PDS5B: variants seen among roughly 807,000 people sequenced by gnomAD.
PDS5B encodes the protein PDS5 cohesin associated factor B, also known as sister chromatid cohesion protein PDS5 homolog B.
PDS5B carries 51 observed loss-of-function variants against 184.1 expected under a neutral mutation model. The ratio of observed to expected loss-of-function variants is 0.28; its 90% CI spans 0.22 to 0.35. PDS5B has a LOEUF of 0.35. Ranked by LOEUF, PDS5B falls within the 10% of genes least tolerant of loss-of-function variation. The pLI, the probability that PDS5B is intolerant of heterozygous loss-of-function variation, is 1.00. For missense variants in PDS5B, 1,180 were observed against 1,723.3 expected, an observed-to-expected ratio of 0.68 and a Z score of 5.58; for synonymous variants, 566 against 569.2, an observed-to-expected ratio of 0.99 and a Z score of 0.08.
chr13:32,735,483 T>C (rs1953299909), intron 21 of PDS5B, among the ~76,000 whole-genome samples, 153 bp downstream of exon 21: 1 of 152,208 alleles, frequency 6.6e-6, no homozygotes, highest in Non-Finnish European at 1.5e-5. Flanking sequence ...CTTGTCTCCA[T>C]TATAAGCAAA....
At chr13:32,716,813 C>T (rs376823793) in intron 19 of PDS5B, among the ~76,000 whole-genome samples, 21,058 of 95,014 alleles carry the variant, frequency 0.22, 3,567 homozygotes, top group Non-Finnish European at 0.3. Flanking sequence ...GCCCCCTGCC[C>T]GGCCAGCCGC....
chr13:32,777,755 T>C lies in PDS5B; in HGVS notation c.*2703T>C, dbSNP rs1954996708. The C allele has an allele frequency of 6.6e-6, 1 of 152,390 alleles. No homozygotes were observed. Among genetic ancestry groups the C allele is most frequent in the African/African-American group, 2.4e-5 (1 of 41,440 alleles). 9.4% of individuals were successfully genotyped at this position (152,390 alleles called of 1,614,324 possible). A position where few individuals can be genotyped will look rare whatever the true frequency, so the allele number is the denominator to read the frequency against. On this transcript the variant is annotated 3_prime_UTR_variant, in exon 35 of 35. Transcript: ENST00000315596. ...CAGTGATCTTCACTGTATATGTAAA[T>C]TACAAATGTGGCTGTAAAACTTATT... is the stretch of plus-strand genomic sequence containing the variant.
chr13:32,603,815 G>A (rs143508651), intron 1 of PDS5B, among the ~76,000 whole-genome samples: 1 of 152,116 alleles, frequency 6.6e-6, no homozygotes, highest in African/African-American at 2.4e-5. Flanking sequence ...TTGTAAGTTG[G>A]ATACTTAGGT....
intron 1 of PDS5B, among the ~76,000 whole-genome samples, chr13:32,592,196 G>A (rs910168724): frequency 1.3e-5 from 2 of 151,974 alleles, no homozygotes; most frequent in Non-Finnish European, 1.5e-5. Context: ...TTCCTGTCAG[G>A]CATGGCAGCC....
intron 24 of PDS5B, among the ~76,000 whole-genome samples, chr13:32,750,450 G>A (rs1953931557): frequency 6.6e-6 from 1 of 152,164 alleles, no homozygotes; most frequent in African/African-American, 2.4e-5. Context: ...AGGGCGGGGT[G>A]AGTTAATGTT....
At chr13:32,717,083 C>G (rs1337232925) in intron 19 of PDS5B, among the ~76,000 whole-genome samples, 1 of 88,422 alleles carries the variant, frequency 1.1e-5, no homozygotes, top group East Asian at 2.8e-4. Flanking sequence ...GTCAGCCCCC[C>G]GCCCGGCCAG....
chr13:32,731,326 G>A (rs928808989), intron 19 of PDS5B, among the ~76,000 whole-genome samples: 3 of 152,042 alleles, frequency 2.0e-5, no homozygotes, highest in Non-Finnish European at 2.9e-5. Flanking sequence ...TTCGGTATTC[G>A]TTTTAAATGT....
At position 32,687,243 on chromosome 13, in the gene PDS5B, A is replaced by G; in HGVS notation, c.1313A>G (p.Asp438Gly). ...GCAAAACAGATAGCATGGATCAAAG[A>G]CAAATTGCTACATATATATTATCAA... ...DAAKQIAWIKDKLLHIYYQNS... is the reference protein window; with the variant it reads ...DAAKQIAWIKGKLLHIYYQNS... Residue 438 changes from aspartate (D) to glycine (G), a missense_variant, in exon 12 of 35, where the codon GAC (aspartate) becomes GGC (glycine). Physicochemically the swap from Asp to Gly is moderately conservative, Grantham distance 94. This residue lies in a region of PDS5B where 475 missense variants were observed against 691.5 expected (regional missense o/e 0.69). Coordinates refer to ENST00000315596, the MANE Select transcript of PDS5B (RefSeq NM_015032.4). The G allele has an allele frequency of 6.2e-7, 1 of 1,603,448 alleles. No homozygotes were observed. The highest frequency in any genetic ancestry group is 8.5e-7 in the Non-Finnish European group (1 of 1,174,812).
At chr13:32,618,339 G>A (rs541141096) in intron 1 of PDS5B, among the ~76,000 whole-genome samples, 4 of 152,172 alleles carry the variant, frequency 2.6e-5, no homozygotes, top group Non-Finnish European at 5.9e-5. Context: ...GGTCAACCAT[G>A]GTCTGAAAAT....
intron 1 of PDS5B, among the ~76,000 whole-genome samples, chr13:32,607,132 G>A (rs1272336197): frequency 6.6e-6 from 1 of 152,208 alleles, no homozygotes; most frequent in Non-Finnish European, 1.5e-5. Context: ...AGGAGAAGAG[G>A]TGCTCTGAGT....
At chr13:32,725,460 A>G (rs1182042748) in intron 19 of PDS5B, among the ~76,000 whole-genome samples, 1 of 152,000 alleles carries the variant, frequency 6.6e-6, no homozygotes. Context: ...ACTATCTTGC[A>G]CTTGTTCTGC....
chr13:32,753,296 A>C, intron 24 of PDS5B, 36 bp from the exon 25 acceptor site: 1 of 1,548,338 alleles, frequency 6.5e-7, no homozygotes, highest in Non-Finnish European at 8.9e-7. Context: ...CTTTGCTGCC[A>C]TTTGAATAAT....
chr13:32,653,358 C>G (rs926189878), intron 3 of PDS5B, among the ~76,000 whole-genome samples: 3 of 152,028 alleles, frequency 2.0e-5, no homozygotes, highest in Non-Finnish European at 2.9e-5. Context: ...GATTATTAAT[C>G]CACAGTGTGA....
intron 1 of PDS5B, among the ~76,000 whole-genome samples, chr13:32,633,048 CAG>C (rs1433789601): frequency 1.3e-5 from 2 of 152,174 alleles, no homozygotes; most frequent in African/African-American, 4.8e-5. Context: ...AAAATACACT[CAG>C]TGAAATTTGA....
intron 1 of PDS5B, among the ~76,000 whole-genome samples, chr13:32,598,298 C>T (rs1366295785): frequency 6.6e-6 from 1 of 152,078 alleles, no homozygotes; most frequent in Non-Finnish European, 1.5e-5. Context: ...TGGTCTCGAA[C>T]TCCTGACCTT....
At chr13:32,704,389 G>A (rs1270091201) in intron 17 of PDS5B, among the ~76,000 whole-genome samples, 9 of 152,132 alleles carry the variant, frequency 5.9e-5, no homozygotes, top group Non-Finnish European at 1.3e-4. Flanking sequence ...GGCTTGTCTT[G>A]AACTCCTGGC....
intron 8 of PDS5B, among the ~76,000 whole-genome samples, chr13:32,673,647 C>T (rs1950993204): frequency 6.6e-6 from 1 of 152,142 alleles, no homozygotes; most frequent in Non-Finnish European, 1.5e-5. Flanking sequence ...AGCTGTACAT[C>T]AAGCTTATGT....
chr13:32,685,474 G>C (rs1056263653), intron 11 of PDS5B, among the ~76,000 whole-genome samples: 1 of 152,050 alleles, frequency 6.6e-6, no homozygotes, highest in Admixed American at 6.6e-5. Context: ...TATATTGTAT[G>C]GTTGCTTGGT....
chr13:32,626,212 C>T (rs1285321217), intron 1 of PDS5B, among the ~76,000 whole-genome samples: 1 of 152,120 alleles, frequency 6.6e-6, no homozygotes. Flanking sequence ...CACCATAATC[C>T]CTTCCCTACT....
Sources: gnomAD v4.1 joint callset for allele counts (sites outside exome capture counted in the v4.1 genomes callset) on GRCh38, gnomAD v4.1.1 for gene constraint, gnomAD v4.1.1 regional missense constraint, MANE v1.5 for transcripts, NCBI Gene and HGNC (gene_info 2026-07-23, HGNC 2026-07-21) for gene names.